EXD3: variants seen among roughly 807,000 people sequenced by gnomAD.
EXD3 encodes exonuclease 3'-5' domain containing 3.
Under a neutral mutation model 98.0 loss-of-function variants are expected in EXD3, and 92 were observed. The observed-to-expected ratio is 0.94, with a 90% CI of 0.79 to 1.12. The LOEUF (loss-of-function observed/expected upper bound fraction) is 1.12. Among genes scored for constraint, EXD3 ranks in the 50% most tolerant of loss-of-function variants. EXD3 has a pLI of 0.00. For synonymous variants in EXD3, 569 were observed against 526.0 expected, an observed-to-expected ratio of 1.08 and a Z score of -1.12; for missense variants, 1,222 against 1,191.6, an observed-to-expected ratio of 1.03 and a Z score of -0.38.
intron 1 of EXD3, among the ~76,000 whole-genome samples, chr9:137,401,842 T>C (rs1837495280): frequency 6.6e-6 from 1 of 152,232 alleles, no homozygotes; most frequent in Non-Finnish European, 1.5e-5. Flanking sequence ...GTCTCTGACA[T>C]GACCTGGAGA....
chr9:137,391,889 A>G (rs903409009), intron 2 of EXD3: 1 of 152,092 alleles, frequency 6.6e-6, no homozygotes, highest in African/African-American at 2.4e-5. Flanking sequence ...AACCTCGGAT[A>G]ACTGTAACCT....
intron 17 of EXD3, among the ~76,000 whole-genome samples, chr9:137,334,565 C>T (rs1178477840): frequency 2.6e-5 from 4 of 152,094 alleles, no homozygotes; most frequent in African/African-American, 4.8e-5. Flanking sequence ...ATACCTCTCA[C>T]CATATACAAA....
At chr9:137,399,337 G>A (rs527466509) in intron 1 of EXD3, among the ~76,000 whole-genome samples, 2 of 152,324 alleles carry the variant, frequency 1.3e-5, no homozygotes, top group South Asian at 2.1e-4. Context: ...GTGGCTTCCC[G>A]ATGGTGTCCT....
chr9:137,378,889 G>A (rs1434112682), intron 3 of EXD3, among the ~76,000 whole-genome samples: 3 of 149,424 alleles, frequency 2.0e-5, no homozygotes, highest in African/African-American at 7.5e-5. Context: ...GTGGGTGACG[G>A]TGACCGTTGC....
rs1302365452 is a variant in EXD3 at position 137,393,135 on chromosome 9, G to T, written c.55+2168C>A. On this transcript the variant is annotated intron_variant, in intron 2 of 21. Transcript: ENST00000340951. This position sits in a 1 kb window ranked among gnomAD's most constrained non-coding sequence, Gnocchi z 4.6. ...GGGAGGGCCATTAGTGTTCCAGGGG[G>T]CGCCGAGGCTGTTCCAGGGGCCCTG... is the stretch of plus-strand genomic sequence containing the variant. 1 of 701,448 alleles carries T rather than the reference G, an allele frequency of 1.4e-6. No homozygotes were observed. The highest frequency in any genetic ancestry group is 1.5e-5 in the South Asian group (1 of 67,510). 43.5% of individuals were successfully genotyped at this position (701,448 alleles called of 1,614,324 possible). A position where few individuals can be genotyped will look rare whatever the true frequency, so the allele number is the denominator to read the frequency against.
rs371916480 is a variant in EXD3, at chr9:137,373,015, G to C, written c.352C>G (p.Pro118Ala). 8.7e-6 allele frequency: 14 copies of C among 1,604,894 alleles called. No homozygotes were observed. In the East Asian group the frequency reaches 1.3e-4, roughly 15 times the overall value. ...GCCAGTGGTGCCGCAAGGCTGGGGG[G>C]GCTCTCAGTGAGGACTTTGACCGCT... ...ARAVKVLTES[P>A]PSLAAPLASI... Residue 118 changes from proline to alanine, a missense_variant, in exon 5 of 22, where the codon CCC (proline) becomes GCC (alanine). Pro to Ala is a conservative substitution (Grantham distance 27). Coordinates refer to ENST00000340951, the MANE Select transcript of EXD3 (RefSeq NM_017820.5).
chr9:137,391,150 C>T (rs1836885017), intron 2 of EXD3, among the ~76,000 whole-genome samples: 1 of 152,230 alleles, frequency 6.6e-6, no homozygotes, highest in African/African-American at 2.4e-5. Flanking sequence ...CCCACGTCCA[C>T]CCACAGCCAC....
At position 137,360,361 on chromosome 9, in the gene EXD3, ACTCT is replaced by A. The variant is rs1411185248; in HGVS notation, c.657-3997_657-3994del. Among the ~76,000 whole-genome samples the A allele has an allele frequency of 6.9e-4, 57 of 82,676 alleles. 23 individuals are homozygous for A. The highest frequency in any genetic ancestry group is 1.5e-3 in the Non-Finnish European group (51 of 34,164). 54.2% of individuals were successfully genotyped at this position (82,676 alleles called of 152,430 possible). A position where few individuals can be genotyped will look rare whatever the true frequency, so the allele number is the denominator to read the frequency against. On this transcript the variant is annotated intron_variant, in intron 7 of 21. Coordinates refer to ENST00000340951, the MANE Select transcript of EXD3 (RefSeq NM_017820.5). ...CTCTTGGTCTGGAAGTTGCCTTTTC[ACTCT>A]CTCAATGATTTCCTTTGACGTCCAG...
intron 19 of EXD3, among the ~76,000 whole-genome samples, chr9:137,322,805 A>C (rs13285052): frequency 0.03 from 111 of 3,760 alleles, 22 homozygotes; most frequent in South Asian, 0.047. Flanking sequence ...CCCCGGACCC[A>C]CGAGGGATGC....
At chr9:137,386,754 C>T (rs1316372656) in intron 2 of EXD3, among the ~76,000 whole-genome samples, 2 of 151,588 alleles carry the variant, frequency 1.3e-5, no homozygotes, top group Non-Finnish European at 2.9e-5. Flanking sequence ...CCCGGAAGCC[C>T]CCTCAGCACC....
intron 4 of EXD3, 134 bp from the exon 5 acceptor site, chr9:137,373,206 G>T: frequency 8.3e-7 from 1 of 1,204,796 alleles, no homozygotes; most frequent in Non-Finnish European, 1.2e-6. Context: ...GGTCTGCAGG[G>T]CTGGGGCACG....
intron 17 of EXD3, among the ~76,000 whole-genome samples, chr9:137,331,274 T>C (rs1355494879): frequency 6.6e-6 from 1 of 151,944 alleles, no homozygotes; most frequent in Non-Finnish European, 1.5e-5. Flanking sequence ...AATAGCCATA[T>C]ATGACAAACC....
At chr9:137,332,823 G>A (rs1833156960) in intron 17 of EXD3, among the ~76,000 whole-genome samples, 4 of 152,158 alleles carry the variant, frequency 2.6e-5, no homozygotes, top group Admixed American at 6.6e-5. Context: ...CCAGCCTGGC[G>A]ACAGACTGAG....
At chr9:137,325,918 C>T (rs1564473643) in intron 17 of EXD3, among the ~76,000 whole-genome samples, 1 of 151,774 alleles carries the variant, frequency 6.6e-6, no homozygotes, top group African/African-American at 2.4e-5. Context: ...AGCAAAACCC[C>T]ATCTCTGCAA....
At chr9:137,418,249 G>A (rs1351990946) in intron 1 of EXD3, among the ~76,000 whole-genome samples, 1 of 152,214 alleles carries the variant, frequency 6.6e-6, no homozygotes, top group Non-Finnish European at 1.5e-5. Context: ...TCAGGAGGCT[G>A]AGGCAGGAGA....
chr9:137,348,393 G>A (rs1270918921), intron 16 of EXD3, among the ~76,000 whole-genome samples, 155 bp from the exon 17 acceptor site: 1 of 150,900 alleles, frequency 6.6e-6, no homozygotes, highest in East Asian at 2.0e-4. Context: ...CAGCAGAAAC[G>A]CAGACAAAAT....
intron 17 of EXD3, among the ~76,000 whole-genome samples, chr9:137,330,109 TA>T (rs1832934816): frequency 2.2e-5 from 1 of 45,830 alleles, no homozygotes; most frequent in East Asian, 1.1e-3. Context: ...CCACAGGAGC[TA>T]CACAGGAGCT....
At position 137,354,574 on chromosome 9, in the gene EXD3, TG is replaced by T. The variant is rs778324464; in HGVS notation, c.831+125del. ...AGGCCTGGCCCAGCTCACCCAGCTCTGGGGCAAGAAGCAGCTCCTACTTGAT... is the reference window on the plus strand; with the variant it reads ...AGGCCTGGCCCAGCTCACCCAGCTCTGGGCAAGAAGCAGCTCCTACTTGAT... On this transcript the variant is annotated intron_variant, in intron 9 of 21. Coordinates refer to ENST00000340951, the MANE Select transcript of EXD3 (RefSeq NM_017820.5). The T allele has an allele frequency of 2.5e-5, 39 of 1,543,828 alleles. 2 individuals carry two copies. In the South Asian group the frequency reaches 4.1e-4, roughly 16 times the overall value.
intron 7 of EXD3, chr9:137,365,564 A>T (rs1835182552): frequency 5.6e-6 from 1 of 177,808 alleles, no homozygotes; most frequent in African/African-American, 2.4e-5. Context: ...CTGCACAAAC[A>T]TGAACACAGT....
Sources: allele counts gnomAD v4.1 joint callset (sites outside exome capture counted in the v4.1 genomes callset), GRCh38; gene constraint gnomAD v4.1.1; non-coding constraint Gnocchi (gnomAD v3.1); transcripts MANE v1.5; gene names NCBI Gene and HGNC (gene_info 2026-07-23, HGNC 2026-07-21).